Variants in MACROD2 observed in about 807,000 individuals in gnomAD.
The protein encoded by MACROD2 is mono-ADP ribosylhydrolase 2, also known as ADP-ribose glycohydrolase MACROD2.
In MACROD2, 36 loss-of-function variants were observed where a neutral mutation model predicts 70.4. That is an observed-to-expected ratio of 0.51 (90% CI 0.39 to 0.68). The LOEUF (loss-of-function observed/expected upper bound fraction) is 0.68, where lower values mean the gene tolerates loss of function less well. Ranked by LOEUF, MACROD2 falls within the 30% of genes least tolerant of loss-of-function variation. MACROD2 has a pLI of 0.00. For synonymous variants in MACROD2, 172 were observed against 178.8 expected (o/e 0.96, Z 0.30); for missense variants, 496 against 538.4 (o/e 0.92, Z 0.78).
intron 13 of MACROD2, among the ~76,000 whole-genome samples, chr20:15,981,325 G>C (rs111299769): frequency 1.3e-5 from 2 of 151,166 alleles, no homozygotes; most frequent in African/African-American, 4.9e-5. Context: ...TTGCGGTATC[G>C]TTATACAGTT....
At chr20:15,135,921 A>G (rs2076143813) in intron 5 of MACROD2, among the ~76,000 whole-genome samples, 1 of 152,040 alleles carries the variant, frequency 6.6e-6, no homozygotes, top group Non-Finnish European at 1.5e-5. Context: ...TACACCAAAA[A>G]CAGACAAACA....
intron 8 of MACROD2, among the ~76,000 whole-genome samples, chr20:15,847,122 A>G (rs988148508): frequency 1.7e-4 from 26 of 152,150 alleles, no homozygotes; most frequent in African/African-American, 6.0e-4. Context: ...GATCTTTCCA[A>G]ATATTTTTTA....
Position 15,230,020 on chromosome 20 carries a change from T to C in MACROD2, c.499T>C (p.Ser167Pro). ...HKEDLANCYK[S>P]SLKLVKENNI... is the part of the protein sequence containing the mutation. ...GGAAGACCTTGCAAATTGCTATAAA[T>C]CATCTCTGAAGCTCGTGAAAGAAAA... Residue 167 changes from serine (S) to proline (P), a missense_variant, in exon 6 of 18, where the codon TCA becomes CCA. By Grantham distance (74) the Ser-to-Pro change is moderately conservative. Coordinates refer to ENST00000684519, the MANE Select transcript of MACROD2 (RefSeq NM_001351661.2). 1 of 1,613,768 alleles carries C rather than the reference T, an allele frequency of 6.2e-7. No homozygotes were observed. The highest frequency in any genetic ancestry group is 8.5e-7 in the Non-Finnish European group (1 of 1,179,782).
rs760553152 is a variant in MACROD2, at chr20:14,493,461, G to T, written c.272-18G>T. ...TACATATTATTTAATGTCTTTTGTT[G>T]TGTTTTGTTTTAAACAGCAAATGCC... On this transcript the variant is annotated intron_variant, in intron 3 of 17. Coordinates refer to ENST00000684519, the MANE Select transcript of MACROD2 (RefSeq NM_001351661.2). The T allele has an allele frequency of 6.2e-7, 1 of 1,601,308 alleles. No homozygotes were observed. The highest frequency in any genetic ancestry group is 1.3e-5 in the African/African-American group (1 of 74,564).
At chr20:14,148,057 A>G (rs1487606965) in intron 3 of MACROD2, among the ~76,000 whole-genome samples, 5 of 152,208 alleles carry the variant, frequency 3.3e-5, no homozygotes, top group African/African-American at 9.6e-5. Flanking sequence ...TGAATCTGAA[A>G]TTAGTTAAAT....
chr20:14,308,543 T>A (rs142989630), intron 3 of MACROD2, among the ~76,000 whole-genome samples: 56 of 152,260 alleles, frequency 3.7e-4, no homozygotes, highest in African/African-American at 1.2e-3. Context: ...CAAACTGGAC[T>A]TATTATTAGC....
At chr20:14,702,315 T>C (rs2071205575) in intron 5 of MACROD2, among the ~76,000 whole-genome samples, 1 of 151,712 alleles carries the variant, frequency 6.6e-6, no homozygotes. Flanking sequence ...TGACAAATTC[T>C]TCTTTTCAGT....
At chr20:16,004,030 G>C (rs2066752213) in intron 15 of MACROD2, among the ~76,000 whole-genome samples, 1 of 152,120 alleles carries the variant, frequency 6.6e-6, no homozygotes, top group African/African-American at 2.4e-5. Context: ...AGGGACCACA[G>C]CTTGAGAACC....
intron 5 of MACROD2, among the ~76,000 whole-genome samples, chr20:14,869,873 T>G (rs2073468390): frequency 6.6e-6 from 1 of 152,092 alleles, no homozygotes; most frequent in African/African-American, 2.4e-5. Context: ...CACCTCAAAT[T>G]TAAAGAGCAG....
At position 15,247,475 on chromosome 20, in the gene MACROD2, C is replaced by CA. The variant is rs2077116403; in HGVS notation, c.540+17420dup. Among the ~76,000 whole-genome samples, 3 of 152,022 alleles carry CA rather than the reference C, an allele frequency of 2.0e-5. No homozygotes were observed. The South Asian group carries it at 6.2e-4, about 32-fold the overall frequency. ...ATAGAAGAGTTATATAAATTACACA[C>CA]AAAAAAGTATTTTTTTAAATGGAAA... On this transcript the variant is annotated intron_variant, in intron 6 of 17. Coordinates refer to ENST00000684519, the MANE Select transcript of MACROD2 (RefSeq NM_001351661.2).
At chr20:16,013,234 G>C (rs1313796233) in intron 15 of MACROD2, among the ~76,000 whole-genome samples, 1 of 152,118 alleles carries the variant, frequency 6.6e-6, no homozygotes, top group Non-Finnish European at 1.5e-5. Flanking sequence ...GAAGAGAAGA[G>C]GGTGGCATAA....
At chr20:14,760,998 C>T (rs955503376) in intron 5 of MACROD2, among the ~76,000 whole-genome samples, 28 of 152,120 alleles carry the variant, frequency 1.8e-4, no homozygotes, top group Non-Finnish European at 3.5e-4. Context: ...AGGCTGTTAG[C>T]CACCTTCTTC....
chr20:15,838,110 T>A (rs2064133645), intron 8 of MACROD2, among the ~76,000 whole-genome samples: 1 of 152,156 alleles, frequency 6.6e-6, no homozygotes, highest in South Asian at 2.1e-4. Context: ...TTAATTTTCT[T>A]GTCAAGATTG....
chr20:15,319,941 C>T (rs150231084), intron 6 of MACROD2, among the ~76,000 whole-genome samples: 5 of 152,054 alleles, frequency 3.3e-5, no homozygotes, highest in Non-Finnish European at 5.9e-5. Context: ...TTTTTCATTG[C>T]CAGGGGGCTG....
chr20:15,530,861 G>A (rs2146546425), intron 8 of MACROD2, among the ~76,000 whole-genome samples: 1 of 152,024 alleles, frequency 6.6e-6, no homozygotes, highest in South Asian at 2.1e-4. Context: ...GCTATCAGAT[G>A]TATATTTATT....
At chr20:15,121,513 CAAAAA>C (rs5840653) in intron 5 of MACROD2, among the ~76,000 whole-genome samples, 3 of 122,050 alleles carry the variant, frequency 2.5e-5, no homozygotes, top group African/African-American at 9.7e-5. Flanking sequence ...AACTCTGCCT[CAAAAA>C]AAAAAAAAAA....
chr20:15,942,637 G>A (rs926338892), intron 12 of MACROD2, among the ~76,000 whole-genome samples: 1 of 152,110 alleles, frequency 6.6e-6, no homozygotes, highest in Non-Finnish European at 1.5e-5. Context: ...CATTAAATGG[G>A]CATATAAACA....
At chr20:15,566,500 A>G (rs903538046) in intron 8 of MACROD2, among the ~76,000 whole-genome samples, 13 of 115,030 alleles carry the variant, frequency 1.1e-4, no homozygotes, top group Admixed American at 7.6e-4. Context: ...TCTGTCTCCA[A>G]AAAAAAAAAA....
chr20:14,462,310 T>G (rs950595044), intron 3 of MACROD2, among the ~76,000 whole-genome samples: 2 of 152,128 alleles, frequency 1.3e-5, no homozygotes, highest in Non-Finnish European at 2.9e-5. Flanking sequence ...TTTCATGTGT[T>G]TTTTGGCTGC....
Sources: gnomAD v4.1 joint callset for allele counts (sites outside exome capture counted in the v4.1 genomes callset) on GRCh38, gnomAD v4.1.1 for gene constraint, MANE v1.5 for transcripts, NCBI Gene and HGNC (gene_info 2026-07-23, HGNC 2026-07-21) for gene names.